The following MMUT variants were observed in gnomAD, a reference collection of about 807,000 sequenced individuals.
MMUT encodes the protein methylmalonyl-CoA mutase.
MMUT carries 79 observed loss-of-function variants against 79.9 expected under a neutral mutation model. The ratio of observed to expected loss-of-function variants is 0.99; its 90% CI spans 0.82 to 1.19. MMUT has a LOEUF of 1.19. Ranked by LOEUF, MMUT falls within the 50% of genes most tolerant of loss-of-function variation. MMUT has a pLI of 0.00. For missense variants in MMUT, 860 were observed against 917.2 expected, an observed-to-expected ratio of 0.94 and a Z score of 0.81; for synonymous variants, 273 against 295.7, an observed-to-expected ratio of 0.92 and a Z score of 0.79.
rs563837981 is a variant in MMUT at position 49,430,545 on chromosome 6, C to T, written c.*1183G>A. Reference sequence around the variant, plus strand: ...CTGAAAATGGGAACAATAATCATGACAATACCATTCAGATAATCATATTCT... The same window carrying T: ...CTGAAAATGGGAACAATAATCATGATAATACCATTCAGATAATCATATTCT... On this transcript the variant is annotated 3_prime_UTR_variant, in exon 13 of 13. Transcript: ENST00000274813. The T allele has an allele frequency of 6.6e-6, 1 of 152,220 alleles. No individual in the cohort carries two copies. The highest frequency in any genetic ancestry group is 2.1e-4 in the South Asian group (1 of 4,820). The allele number at this position is 152,220 out of a possible 1,614,324, so 9.4% of individuals were successfully genotyped here.
intron 8 of MMUT, among the ~76,000 whole-genome samples, chr6:49,446,597 G>C (rs973941665): frequency 6.6e-6 from 1 of 151,746 alleles, no homozygotes; most frequent in Non-Finnish European, 1.5e-5. Context: ...AATAAAAATA[G>C]TAACTACCTG....
intron 12 of MMUT, among the ~76,000 whole-genome samples, chr6:49,432,509 T>A (rs545052595): frequency 6.6e-6 from 1 of 152,082 alleles, no homozygotes; most frequent in Non-Finnish European, 1.5e-5. Flanking sequence ...TGCCTCAGCC[T>A]TCCAAGTAGC....
At chr6:49,442,670 T>G (rs1198481006) in intron 9 of MMUT, among the ~76,000 whole-genome samples, 2 of 151,942 alleles carry the variant, frequency 1.3e-5, no homozygotes, top group Non-Finnish European at 2.9e-5. Context: ...AGATATAAAT[T>G]ATAAAAAGGG....
intron 6 of MMUT, among the ~76,000 whole-genome samples, chr6:49,449,247 T>C (rs1767490022): frequency 1.3e-5 from 2 of 152,120 alleles, no homozygotes; most frequent in South Asian, 2.1e-4. Context: ...ATAAAGTCTG[T>C]AAGAAAAATA....
chr6:49,457,784 A>G lies in MMUT; in HGVS notation c.660T>C (p.Asp220=), dbSNP rs1234792269. ...KEKLTGTIQN[D]ILKEFMVRNT... ...TTCGAACCATAAATTCCTTTAGTAT[A>G]TCATTTTGGATGGTACCAGTAAGCT... Residue 220 remains aspartate (D), a synonymous_variant, in exon 3 of 13, where the codon GAT becomes GAC. Transcript: ENST00000274813. 6.2e-7 allele frequency: 1 copy of G among 1,613,088 alleles called. No individual in the cohort carries two copies. The highest frequency in any genetic ancestry group is 1.7e-5 in the Admixed American group (1 of 59,992).
At position 49,456,243 on chromosome 6, in the gene MMUT, T is replaced by TA. The variant is rs750770186; in HGVS notation, c.754-7dup. On this transcript the variant is annotated splice_polypyrimidine_tract_variant and splice_region_variant and intron_variant, in intron 3 of 12. Coordinates refer to ENST00000274813, the MANE Select transcript of MMUT (RefSeq NM_000255.4). ...GAATTAAATTTTGGCATGTGCTACATAAAAAAAAAAATTGTAACAGTGAAT... is the reference window on the plus strand; with the variant it reads ...GAATTAAATTTTGGCATGTGCTACATAAAAAAAAAAAATTGTAACAGTGAAT... 0.045 allele frequency: 49,338 copies of TA among 1,104,822 alleles called. No individual in the cohort carries two copies. Among genetic ancestry groups the TA allele is most frequent in the Non-Finnish European group, 0.049 (39,891 of 819,146 alleles). The allele number at this position is 1,104,822 out of a possible 1,614,324, so 68.4% of individuals were successfully genotyped here.
chr6:49,443,315 T>C (rs930370071), intron 9 of MMUT, among the ~76,000 whole-genome samples: 2 of 152,182 alleles, frequency 1.3e-5, no homozygotes, highest in African/African-American at 4.8e-5. Flanking sequence ...ACATGCTTAT[T>C]ACCCATTACA....
In MMUT at chr6:49,435,539, G is replaced by A. The variant is rs772442006; in HGVS notation, c.2041C>T (p.Leu681=). 1.2e-6 allele frequency: 2 copies of A among 1,614,166 alleles called. No individual in the cohort carries two copies. The highest frequency in any genetic ancestry group is 1.7e-6 in the Non-Finnish European group (2 of 1,180,036). Residue 681 remains leucine, a synonymous_variant, in exon 12 of 13, where the codon CTA becomes TTA. Transcript: ENST00000274813. ...ISTLAAGHKT[L]VPELIKELNS... ...AGTTCTTTGATGAGTTCAGGAACTA[G>A]GGTTTTATGACCAGCAGCGAGGGTG...
chr6:49,459,148 T>C lies in MMUT; in HGVS notation c.319A>G (p.Ile107Val). The change falls in exon 2 of 13, where the codon ATC becomes GTC. Residue 107 changes from isoleucine to valine, a missense_variant. Ile to Val is a conservative substitution (Grantham distance 29). Coordinates refer to ENST00000274813, the MANE Select transcript of MMUT (RefSeq NM_000255.4). The stretch of plus-strand genomic sequence containing the variant: ...GTACTAAAACCAGCATACTGGCGGA[T>C]GGTCCAGGGCCTAAAGGTATACATG... ...PTMYTFRPWT[I>V]RQYAGFSTVE... 3.1e-6 allele frequency: 5 copies of C among 1,614,176 alleles called. No individual in the cohort carries two copies. The highest frequency in any genetic ancestry group is 1.3e-5 in the African/African-American group (1 of 75,046).
At chr6:49,450,049 G>A (rs945853027) in intron 6 of MMUT, among the ~76,000 whole-genome samples, 17 of 151,850 alleles carry the variant, frequency 1.1e-4, no homozygotes, top group Admixed American at 1.1e-3. Flanking sequence ...TGACCAACAC[G>A]GTGAACCCCC....
intron 1 of MMUT, 26 bp from the exon 2 acceptor site, chr6:49,459,531 A>AGCGGAGCTTGCAGTGAGCCGAGATTG: frequency 6.4e-7 from 1 of 1,559,526 alleles, no homozygotes; most frequent in Non-Finnish European, 8.7e-7. Flanking sequence ...TAGAGTAAAA[A>AGCGGAGCTTGCAGTGAGCCGAGATTG]CATTTAGAAG....
chr6:49,460,660 G>C (rs1767819489), intron 1 of MMUT, among the ~76,000 whole-genome samples: 1 of 152,062 alleles, frequency 6.6e-6, no homozygotes, highest in African/African-American at 2.4e-5. Flanking sequence ...AACATATAGA[G>C]CCCATTGTTT....
intron 8 of MMUT, 118 bp from the exon 9 acceptor site, chr6:49,444,872 T>C (rs747710603): frequency 5.4e-5 from 37 of 682,752 alleles, no homozygotes; most frequent in Non-Finnish European, 8.6e-5. Flanking sequence ...TAACTCCAAA[T>C]TTAAGAGGAA....
At chr6:49,445,583 T>A (rs1767391068) in intron 8 of MMUT, among the ~76,000 whole-genome samples, 1 of 152,112 alleles carries the variant, frequency 6.6e-6, no homozygotes, top group Non-Finnish European at 1.5e-5. Flanking sequence ...AGTGTTTGCA[T>A]ATAACCTATG....
intron 8 of MMUT, among the ~76,000 whole-genome samples, chr6:49,446,448 A>G (rs1053889724): frequency 2.6e-5 from 4 of 152,048 alleles, no homozygotes; most frequent in Middle Eastern, 6.8e-3. Context: ...GGAAAAAGTT[A>G]CATCAGAATA....
At chr6:49,436,960 G>T (rs1431988321) in intron 11 of MMUT, among the ~76,000 whole-genome samples, 1 of 152,082 alleles carries the variant, frequency 6.6e-6, no homozygotes, top group South Asian at 2.1e-4. Context: ...AGAGGAGCAG[G>T]AGGAGGGAGG....
intron 12 of MMUT, 46 bp downstream of exon 12, chr6:49,435,403 ATCATTAC>A: frequency 6.7e-7 from 1 of 1,498,744 alleles, no homozygotes; most frequent in East Asian, 2.3e-5. Flanking sequence ...CAAATAAGCT[ATCATTAC>A]TCAAGATTCC....
At chr6:49,453,059 T>TTTTGTTTTTTTTTTTTTTTTTTTTG (rs398048522) in intron 5 of MMUT, among the ~76,000 whole-genome samples, 1 of 138,984 alleles carries the variant, frequency 7.2e-6, no homozygotes, top group African/African-American at 2.6e-5. Context: ...TTTTTTTTTT[T>TTTTGTTTTTTTTTTTTTTTTTTTTG]AGACGTAGTT....
intron 10 of MMUT, among the ~76,000 whole-genome samples, chr6:49,441,272 A>C (rs1169226572): frequency 1.3e-5 from 2 of 152,176 alleles, no homozygotes; most frequent in African/African-American, 4.8e-5. Context: ...TCAGTTCAAT[A>C]AATACTGATT....
Sources: gnomAD v4.1 joint callset for allele counts (sites outside exome capture counted in the v4.1 genomes callset) on GRCh38, gnomAD v4.1.1 for gene constraint, MANE v1.5 for transcripts, NCBI Gene and HGNC (gene_info 2026-07-23, HGNC 2026-07-21) for gene names.